Variants in PCCA observed in about 807,000 individuals in gnomAD.
The protein encoded by PCCA is propionyl-CoA carboxylase alpha chain, mitochondrial.
A neutral mutation model predicts 101.3 loss-of-function variants in PCCA; 74 were observed. The observed-to-expected ratio is 0.73, with a 90% CI of 0.61 to 0.89. PCCA has a LOEUF of 0.89. Ranked by LOEUF, PCCA falls within the 40% of genes least tolerant of loss-of-function variation. The probability of loss-of-function intolerance (pLI) is 0.00; values close to 1 mark genes in which losing one functional copy is unlikely to be tolerated. For missense variants in PCCA, 891 were observed against 907.0 expected, an observed-to-expected ratio of 0.98 and a Z score of 0.23; for synonymous variants, 294 against 313.6, an observed-to-expected ratio of 0.94 and a Z score of 0.66.
intron 21 of PCCA, among the ~76,000 whole-genome samples, chr13:100,493,602 A>G (rs2085069270): frequency 6.6e-6 from 1 of 152,186 alleles, no homozygotes; most frequent in African/African-American, 2.4e-5. Context: ...GAGTCTTGAG[A>G]AATCCCTCTT....
intron 6 of PCCA, among the ~76,000 whole-genome samples, chr13:100,166,354 G>A (rs1005955129): frequency 6.6e-6 from 1 of 151,792 alleles, no homozygotes; most frequent in Non-Finnish European, 1.5e-5. Context: ...CCCCTCTTTT[G>A]CCCAGGCTAG....
intron 6 of PCCA, chr13:100,160,940 T>C (rs769459375): frequency 5.3e-5 from 8 of 150,780 alleles, no homozygotes; most frequent in Admixed American, 2.0e-4. Context: ...GAGAAACATA[T>C]GTTAGAATTT....
chr13:100,278,478 A>T (rs1301538743), intron 12 of PCCA, among the ~76,000 whole-genome samples: 1 of 140,758 alleles, frequency 7.1e-6, no homozygotes, highest in Non-Finnish European at 1.5e-5. Context: ...ATAAAACCCG[A>T]TAGTTGATTT....
At chr13:100,186,478 C>T (rs1266559314) in intron 6 of PCCA, among the ~76,000 whole-genome samples, 1 of 152,000 alleles carries the variant, frequency 6.6e-6, no homozygotes, top group Non-Finnish European at 1.5e-5. Context: ...CGTGGTGGCT[C>T]ATGCCTGTAA....
intron 8 of PCCA, among the ~76,000 whole-genome samples, chr13:100,249,277 G>A (rs1041398303): frequency 2.0e-5 from 3 of 152,138 alleles, no homozygotes; most frequent in Non-Finnish European, 2.9e-5. Flanking sequence ...TTTGTGAAAG[G>A]TATAAGGATT....
chr13:100,268,617 G>A (rs2063099735), intron 10 of PCCA, 72 bp from the exon 11 acceptor site: 2 of 1,046,908 alleles, frequency 1.9e-6, no homozygotes, highest in African/African-American at 1.6e-5. Flanking sequence ...GATGTTGCAT[G>A]CGGAAAATAT....
At chr13:100,529,960 TGGGG>T in intron 23 of PCCA, 134 bp from the exon 24 acceptor site, 1 of 212,702 alleles carries the variant, frequency 4.7e-6, no homozygotes, top group East Asian at 5.5e-4. Flanking sequence ...TGGGCTCCGG[TGGGG>T]TGGGGTGGCT....
intron 21 of PCCA, among the ~76,000 whole-genome samples, chr13:100,498,581 C>T (rs1009245186): frequency 6.6e-6 from 1 of 152,158 alleles, no homozygotes; most frequent in Non-Finnish European, 1.5e-5. Context: ...GCTGTACAAC[C>T]ATCATCTCTC....
rs753371215 is a variant in PCCA, at chr13:100,309,842, T to C, written c.1363T>C (p.Tyr455His). The change falls in exon 16 of 24, where the codon TAT (tyrosine) becomes CAT (histidine). Residue 455 changes from tyrosine to histidine, a missense_variant. By Grantham distance (83) the Tyr-to-His change is moderately conservative (BLOSUM62 2). Coordinates refer to ENST00000376285, the MANE Select transcript of PCCA (RefSeq NM_000282.4). ...GTTTGCTTGTTTTTAGCTAATCACA[T>C]ATGGCTCTGATAGAACTGAGGCACT... ...YDPMISKLIT[Y>H]GSDRTEALKR... 2 of 1,611,106 alleles carry C rather than the reference T, an allele frequency of 1.2e-6. No homozygotes were observed. Among genetic ancestry groups the C allele is most frequent in the Admixed American group, 1.7e-5 (1 of 60,010 alleles).
chr13:100,406,720 A>C (rs2077704431), intron 19 of PCCA, among the ~76,000 whole-genome samples: 1 of 152,220 alleles, frequency 6.6e-6, no homozygotes, highest in African/African-American at 2.4e-5. Flanking sequence ...ACCCAAAAAA[A>C]GAGAAAAATA....
Position 100,376,796 on chromosome 13 carries a change from G to A in PCCA, c.1746+8222G>A, listed in dbSNP as rs369413673. Reference sequence around the variant, plus strand: ...CACTTGGCTCCTTGGCTTCAGCCCCGTTTCCAGGGGAGTGAATGGTTCTGT... The same window carrying A: ...CACTTGGCTCCTTGGCTTCAGCCCCATTTCCAGGGGAGTGAATGGTTCTGT... On this transcript the variant is annotated intron_variant, in intron 19 of 23. Coordinates refer to ENST00000376285, the MANE Select transcript of PCCA (RefSeq NM_000282.4). Among the ~76,000 whole-genome samples, 117 of 152,270 alleles carry A rather than the reference G, an allele frequency of 7.7e-4. 1 individual carries two copies. Among genetic ancestry groups the A allele is most frequent in the African/African-American group, 2.6e-3 (107 of 41,564 alleles).
chr13:100,168,009 G>A (rs956315350), intron 6 of PCCA, among the ~76,000 whole-genome samples: 4 of 152,076 alleles, frequency 2.6e-5, no homozygotes, highest in Admixed American at 6.5e-5. Context: ...TGCTGAGGCC[G>A]TCTTGGTGTG....
intron 4 of PCCA, among the ~76,000 whole-genome samples, chr13:100,133,751 G>T (rs1309656632): frequency 6.6e-6 from 1 of 152,180 alleles, no homozygotes; most frequent in Non-Finnish European, 1.5e-5. Context: ...ATTTGAGTCA[G>T]TGGACTGAGA....
chr13:100,425,528 G>C, intron 19 of PCCA, 105 bp from the exon 20 acceptor site: 1 of 771,424 alleles, frequency 1.3e-6, no homozygotes, highest in South Asian at 1.5e-5. Flanking sequence ...CAGGTTGTTT[G>C]GGAGCCATCT....
chr13:100,402,353 C>A (rs1421961769), intron 19 of PCCA, among the ~76,000 whole-genome samples: 1 of 151,586 alleles, frequency 6.6e-6, no homozygotes, highest in Non-Finnish European at 1.5e-5. Flanking sequence ...TGAAAGTGAG[C>A]CACGATGCTT....
chr13:100,527,451 C>G, intron 22 of PCCA: 1 of 576,888 alleles, frequency 1.7e-6, no homozygotes, highest in Admixed American at 2.7e-5. Context: ...TCTCCAGGGT[C>G]AGGGATTTTT....
intron 7 of PCCA, among the ~76,000 whole-genome samples, chr13:100,226,527 G>C (rs939736999): frequency 3.3e-5 from 5 of 152,140 alleles, no homozygotes; most frequent in Non-Finnish European, 1.5e-5. Context: ...AGAATGATTC[G>C]AATGTGCCTG....
chr13:100,258,951 C>T (rs1341138891), intron 9 of PCCA, among the ~76,000 whole-genome samples: 1 of 152,106 alleles, frequency 6.6e-6, no homozygotes, highest in Admixed American at 6.6e-5. Context: ...ATAATACAAG[C>T]TCCTCATTTT....
intron 19 of PCCA, among the ~76,000 whole-genome samples, chr13:100,416,138 G>A (rs1185529162): frequency 1.3e-5 from 2 of 152,114 alleles, no homozygotes; most frequent in East Asian, 3.9e-4. Flanking sequence ...AGAGTGATAG[G>A]TGGATTATGA....
Sources: allele counts gnomAD v4.1 joint callset (sites outside exome capture counted in the v4.1 genomes callset), GRCh38; gene constraint gnomAD v4.1.1; transcripts MANE v1.5; gene names NCBI Gene and HGNC (gene_info 2026-07-23, HGNC 2026-07-21).